Variants in ELP3 observed in about 807,000 individuals in gnomAD.
The protein encoded by ELP3 is elongator complex protein 3.
Under a neutral mutation model 74.9 loss-of-function variants are expected in ELP3, and 56 were observed. That is an observed-to-expected ratio of 0.75 (90% confidence interval 0.60 to 0.93). ELP3 has a LOEUF of 0.93. Among genes scored for constraint, ELP3 ranks in the 40% least tolerant of loss-of-function variants. ELP3 has a pLI of 0.00. For synonymous variants in ELP3, 222 were observed against 239.8 expected, an observed-to-expected ratio of 0.93 and a Z score of 0.68; for missense variants, 573 against 686.5, an observed-to-expected ratio of 0.83 and a Z score of 1.85.
chr8:28,175,046 A>G lies in ELP3; in HGVS notation c.1567+12968A>G, dbSNP rs543958230. On this transcript the variant is annotated intron_variant, in intron 14 of 14. Coordinates refer to ENST00000256398, the MANE Select transcript of ELP3 (RefSeq NM_018091.6). ...GAGGATTCCTTCTATGTGATGACTC[A>G]TTTTGCCTCTTGCTGCTTTCAAGAT... Among the ~76,000 whole-genome samples, 19 of 152,218 alleles carry G rather than the reference A, an allele frequency of 1.2e-4. 1 individual carries two copies. In the South Asian group the frequency reaches 1.9e-3, roughly 15 times the overall value.
chr8:28,098,445 C>G (rs1811343763), intron 2 of ELP3, among the ~76,000 whole-genome samples: 1 of 152,144 alleles, frequency 6.6e-6, no homozygotes, highest in Admixed American at 6.5e-5. Context: ...TTGTATTTTA[C>G]TGATTTTTCT....
At chr8:28,139,128 G>A (rs555914668) in intron 10 of ELP3, among the ~76,000 whole-genome samples, 2 of 152,234 alleles carry the variant, frequency 1.3e-5, no homozygotes, top group East Asian at 1.9e-4. Context: ...AGAATGTGGC[G>A]AAAAGGGCAT....
At chr8:28,139,643 A>C (rs188744061) in intron 10 of ELP3, among the ~76,000 whole-genome samples, 16 of 152,294 alleles carry the variant, frequency 1.1e-4, no homozygotes, top group Non-Finnish European at 2.1e-4. Flanking sequence ...AGTGTATTAG[A>C]TATCAATAAA....
intron 3 of ELP3, among the ~76,000 whole-genome samples, chr8:28,103,782 G>C (rs1811581905): frequency 6.6e-6 from 1 of 152,106 alleles, no homozygotes; most frequent in South Asian, 2.1e-4. Context: ...ACTGAGGCTA[G>C]AGTGTGGTGG....
chr8:28,137,547 T>G (rs1813035530), intron 9 of ELP3, 151 bp from the exon 10 acceptor site: 2 of 666,780 alleles, frequency 3.0e-6, no homozygotes, highest in Non-Finnish European at 5.1e-6. Flanking sequence ...ACAAGGAGTT[T>G]CTGTTCTGTC....
intron 7 of ELP3, among the ~76,000 whole-genome samples, chr8:28,123,968 G>T (rs564726897): frequency 9.9e-5 from 15 of 151,020 alleles, no homozygotes; most frequent in African/African-American, 3.4e-4. Context: ...CATTTTGCTC[G>T]TGTGTGCCTT....
intron 3 of ELP3, among the ~76,000 whole-genome samples, chr8:28,101,194 G>A (rs1288718621): frequency 2.0e-5 from 3 of 151,740 alleles, no homozygotes; most frequent in African/African-American, 7.3e-5. Context: ...GAGGTGGGCC[G>A]ATCACAAGGT....
Position 28,160,470 on chromosome 8 carries a change from C to T in ELP3, c.1485+14C>T. The T allele has an allele frequency of 4.4e-6, 7 of 1,605,852 alleles. No individual in the cohort carries two copies. The highest frequency in any genetic ancestry group is 6.0e-6 in the Non-Finnish European group (7 of 1,175,282). On this transcript the variant is annotated intron_variant, in intron 13 of 14. Coordinates refer to ENST00000256398, the MANE Select transcript of ELP3 (RefSeq NM_018091.6). Reference sequence around the variant, plus strand: ...TTTCAGCATCAGGTATCCTGTATTCCATTTCTATTTGACTTCTAAGAAACT... The same window carrying T: ...TTTCAGCATCAGGTATCCTGTATTCTATTTCTATTTGACTTCTAAGAAACT...
intron 11 of ELP3, among the ~76,000 whole-genome samples, chr8:28,157,965 C>T (rs562195885): frequency 2.0e-5 from 3 of 150,198 alleles, no homozygotes; most frequent in African/African-American, 4.9e-5. Context: ...CTAGGTTCCT[C>T]CTCCCTCCCT....
At chr8:28,142,987 A>AAC in intron 10 of ELP3, among the ~76,000 whole-genome samples, 1 of 152,194 alleles carries the variant, frequency 6.6e-6, no homozygotes, top group Non-Finnish European at 1.5e-5. Flanking sequence ...AGTGTTACTA[A>AAC]ACTATTACTC....
chr8:28,146,964 C>G (rs1378023704), intron 10 of ELP3, among the ~76,000 whole-genome samples: 4 of 152,196 alleles, frequency 2.6e-5, no homozygotes, highest in African/African-American at 9.7e-5. Context: ...CTCTGGTAAT[C>G]AGGGCCAGCT....
intron 3 of ELP3, 29 bp downstream of exon 3, chr8:28,099,995 C>T: frequency 6.2e-7 from 1 of 1,613,850 alleles, no homozygotes. Context: ...GAGGTATCGA[C>T]ACACTGGGTA....
chr8:28,161,674 C>T (rs1188792466), intron 13 of ELP3, among the ~76,000 whole-genome samples: 3 of 151,802 alleles, frequency 2.0e-5, no homozygotes, highest in South Asian at 4.2e-4. Flanking sequence ...CCCCAGACTT[C>T]CATCATTTAG....
intron 6 of ELP3, chr8:28,112,726 G>C (rs1391982625): frequency 4.5e-6 from 1 of 220,030 alleles, no homozygotes; most frequent in East Asian, 9.6e-5. Context: ...TGTCTTTACT[G>C]CTTTCTAGTT....
At chr8:28,124,003 A>G (rs1490197755) in intron 7 of ELP3, among the ~76,000 whole-genome samples, 1 of 152,038 alleles carries the variant, frequency 6.6e-6, no homozygotes, top group African/African-American at 2.4e-5. Flanking sequence ...TAGTCTGTTA[A>G]CATTTGATGT....
At chr8:28,122,153 A>G (rs73575469) in intron 7 of ELP3, among the ~76,000 whole-genome samples, 3,968 of 152,218 alleles carry the variant, frequency 0.026, 171 homozygotes, top group African/African-American at 0.089. Context: ...GATAAACCCT[A>G]TTATATCATC....
At chr8:28,116,353 C>T (rs1274547163) in intron 7 of ELP3, among the ~76,000 whole-genome samples, 5 of 152,096 alleles carry the variant, frequency 3.3e-5, no homozygotes, top group African/African-American at 7.2e-5. Context: ...ATTCTGTGTC[C>T]GTGAATCTGG....
chr8:28,178,217 A>G (rs1368711560), intron 14 of ELP3, among the ~76,000 whole-genome samples: 1 of 152,094 alleles, frequency 6.6e-6, no homozygotes, highest in Non-Finnish European at 1.5e-5. Flanking sequence ...TCACCCAAAG[A>G]CCTTACCTCT....
chr8:28,152,666 T>A (rs10093756), intron 10 of ELP3, among the ~76,000 whole-genome samples: 51,483 of 151,844 alleles, frequency 0.34, 9,173 homozygotes, highest in East Asian at 0.65. Context: ...ATTAGCCGGG[T>A]GTGGTGGCAG....
Sources: allele counts gnomAD v4.1 joint callset (sites outside exome capture counted in the v4.1 genomes callset), GRCh38; gene constraint gnomAD v4.1.1; transcripts MANE v1.5; gene names NCBI Gene and HGNC (gene_info 2026-07-23, HGNC 2026-07-21).